Variants in USP45 observed in about 807,000 individuals in gnomAD.
The protein encoded by USP45 is ubiquitin carboxyl-terminal hydrolase 45.
In USP45, 89 loss-of-function variants were observed where a neutral mutation model predicts 95.8. The observed-to-expected ratio is 0.93, with a 90% CI of 0.78 to 1.11. USP45 has a LOEUF of 1.11. Ranked by LOEUF, USP45 falls within the 50% of genes least tolerant of loss-of-function variation. The probability of loss-of-function intolerance (pLI) is 0.00; values close to 1 mark genes in which losing one functional copy is unlikely to be tolerated. For missense variants in USP45, 898 were observed against 942.5 expected (o/e 0.95, Z 0.62); for synonymous variants, 281 against 316.2 (o/e 0.89, Z 1.18).
chr6:99,474,009 A>T (rs1790177762), intron 9 of USP45, among the ~76,000 whole-genome samples: 1 of 152,216 alleles, frequency 6.6e-6, no homozygotes, highest in Non-Finnish European at 1.5e-5. Context: ...AATTAGCTTA[A>T]TAAGAAAGTC....
rs138082175 is a variant in USP45 at position 99,474,236 on chromosome 6, T to C, written c.933+1907A>G. ...TTTTTTGAGGTAGGCTCTGCTCTGTTGCCCAGGCTGGAGTGCAGTGGTGCG... is the reference window on the plus strand; with the variant it reads ...TTTTTTGAGGTAGGCTCTGCTCTGTCGCCCAGGCTGGAGTGCAGTGGTGCG... On this transcript the variant is annotated intron_variant, in intron 9 of 17. Coordinates refer to ENST00000500704, the MANE Select transcript of USP45 (RefSeq NM_001346022.3). Among the ~76,000 whole-genome samples the C allele has an allele frequency of 9.6e-3, 1,461 of 152,300 alleles. 24 individuals carry two copies. The highest frequency in any genetic ancestry group is 0.033 in the African/African-American group (1,373 of 41,564).
intron 9 of USP45, among the ~76,000 whole-genome samples, chr6:99,474,485 A>G (rs1037597370): frequency 1.3e-5 from 2 of 152,196 alleles, no homozygotes; most frequent in Non-Finnish European, 2.9e-5. Flanking sequence ...GGCATGAGCC[A>G]CCATATCTGG....
intron 5 of USP45, among the ~76,000 whole-genome samples, chr6:99,489,239 A>C (rs917369732): frequency 6.6e-6 from 1 of 152,208 alleles, no homozygotes. Context: ...AGAGTAAGGA[A>C]GTGCTCAAAA....
rs559463269 is a variant in USP45 at position 99,451,678 on chromosome 6, T to A, written c.1309-5215A>T. Among the ~76,000 whole-genome samples, 468 of 152,294 alleles carry A rather than the reference T, an allele frequency of 3.1e-3. 1 individual carries two copies. Among genetic ancestry groups the A allele is most frequent in the Non-Finnish European group, 3.5e-3 (240 of 68,032 alleles). ...CTTTCTTCACAGAATTGGAAAAAAC[T>A]ACTTTAAAGTTCATATGGGACCAAA... On this transcript the variant is annotated intron_variant, in intron 13 of 17. Transcript: ENST00000500704.
chr6:99,472,579 C>A (rs1412451858), intron 9 of USP45, among the ~76,000 whole-genome samples: 1 of 151,952 alleles, frequency 6.6e-6, no homozygotes, highest in African/African-American at 2.4e-5. Context: ...CGTATTCCTG[C>A]AAATCATGGG....
intron 15 of USP45, among the ~76,000 whole-genome samples, chr6:99,442,347 T>C (rs898060247): frequency 6.6e-6 from 1 of 152,218 alleles, no homozygotes; most frequent in Non-Finnish European, 1.5e-5. Context: ...TTCAGTTCCA[T>C]TGAGCTTCTA....
chr6:99,509,599 G>T (rs1799310947), intron 2 of USP45, among the ~76,000 whole-genome samples: 1 of 150,664 alleles, frequency 6.6e-6, no homozygotes, highest in Non-Finnish European at 1.5e-5. Flanking sequence ...CATCTGCCAA[G>T]CTCTGGTGGC....
At chr6:99,491,405 G>C (rs1293472533) in intron 5 of USP45, among the ~76,000 whole-genome samples, 1 of 152,172 alleles carries the variant, frequency 6.6e-6, no homozygotes, top group African/African-American at 2.4e-5. Flanking sequence ...ACTGTAAATA[G>C]AACCTAGAAT....
upstream of USP45, among the ~76,000 whole-genome samples, chr6:99,516,405 T>C (rs1801112515): frequency 6.6e-6 from 1 of 152,220 alleles, no homozygotes; most frequent in Non-Finnish European, 1.5e-5. Context: ...AATGTGGCTT[T>C]AAGGATAAGA....
At chr6:99,474,837 A>C (rs1220024253) in intron 9 of USP45, among the ~76,000 whole-genome samples, 1 of 152,180 alleles carries the variant, frequency 6.6e-6, no homozygotes, top group Admixed American at 6.5e-5. Context: ...TCTCTGATAA[A>C]CTGATCCTAT....
chr6:99,488,742 T>C lies in USP45; in HGVS notation c.557A>G (p.Asn186Ser), dbSNP rs565874737. Residue 186 changes from asparagine (N) to serine (S), a missense_variant, in exon 6 of 18, where the codon AAT becomes AGT. Coordinates refer to ENST00000500704, the MANE Select transcript of USP45 (RefSeq NM_001346022.3). ...DEIQKGGKCR[N>S]LSVRGITNLG... ...ATTTGTAATTCCTCTTACAGATAAA[T>C]TTCTGCATTTTCCTCCCTTCTGTAT... is the stretch of plus-strand genomic sequence containing the variant. The C allele has an allele frequency of 6.2e-7, 1 of 1,608,936 alleles. No homozygotes were observed. Among genetic ancestry groups the C allele is most frequent in the Admixed American group, 1.7e-5 (1 of 59,052 alleles).
intron 4 of USP45, among the ~76,000 whole-genome samples, chr6:99,506,838 G>A (rs932124711): frequency 1.3e-5 from 2 of 152,164 alleles, no homozygotes; most frequent in South Asian, 2.1e-4. Flanking sequence ...CTAGAATTCT[G>A]TATTAGCAAG....
At chr6:99,475,814 GTTGT>G (rs1790677777) in intron 9 of USP45, among the ~76,000 whole-genome samples, 1 of 5,522 alleles carries the variant, frequency 1.8e-4, no homozygotes. Flanking sequence ...TACTTACTTA[GTTGT>G]TTTTTTGTTT....
At chr6:99,469,132 G>A (rs558774785) in intron 9 of USP45, among the ~76,000 whole-genome samples, 1 of 152,148 alleles carries the variant, frequency 6.6e-6, no homozygotes, top group South Asian at 2.1e-4. Flanking sequence ...ATCAATTAAT[G>A]TCCATAGCAA....
chr6:99,464,109 C>G (rs555521519), intron 13 of USP45, among the ~76,000 whole-genome samples: 1 of 152,124 alleles, frequency 6.6e-6, no homozygotes, highest in African/African-American at 2.4e-5. Flanking sequence ...GAGTTCGAGA[C>G]CAGCCTGACC....
intron 8 of USP45, among the ~76,000 whole-genome samples, chr6:99,478,220 G>GTTTTTT (rs71021740): frequency 2.0e-5 from 2 of 99,440 alleles, no homozygotes; most frequent in African/African-American, 3.7e-5. Context: ...ACTTAGATTT[G>GTTTTTT]TTTTTTTTTT....
At chr6:99,476,257 G>C (rs746158575) in intron 8 of USP45, 27 bp from the exon 9 acceptor site, 4 of 1,586,788 alleles carry the variant, frequency 2.5e-6, no homozygotes, top group Non-Finnish European at 2.6e-6. Flanking sequence ...AAAGAGGAAA[G>C]AAAAAAAGAA....
At chr6:99,505,687 T>C (rs557862047) in intron 4 of USP45, among the ~76,000 whole-genome samples, 113 of 151,594 alleles carry the variant, frequency 7.5e-4, no homozygotes, top group Non-Finnish European at 1.2e-3. Context: ...AATGCTACAT[T>C]ACATGTTCAC....
At chr6:99,472,726 G>C (rs911123333) in intron 9 of USP45, among the ~76,000 whole-genome samples, 3 of 152,068 alleles carry the variant, frequency 2.0e-5, no homozygotes, top group Non-Finnish European at 4.4e-5. Context: ...CCCTCAACAA[G>C]AAGAGCAATA....
Sources: gnomAD v4.1 joint callset for allele counts (sites outside exome capture counted in the v4.1 genomes callset) on GRCh38, gnomAD v4.1.1 for gene constraint, MANE v1.5 for transcripts, NCBI Gene and HGNC (gene_info 2026-07-23, HGNC 2026-07-21) for gene names.